The following HYOU1 variants were observed in gnomAD, a reference collection of about 807,000 sequenced individuals.
The protein encoded by HYOU1 is hypoxia up-regulated 1.
HYOU1 carries 40 observed loss-of-function variants against 120.5 expected under a neutral mutation model. That is an observed-to-expected ratio of 0.33 (90% CI 0.26 to 0.43). HYOU1 has a LOEUF of 0.43. Among genes scored for constraint, HYOU1 ranks in the 20% least tolerant of loss-of-function variants. The pLI is 1.00. For missense variants in HYOU1, 1,085 were observed against 1,278.3 expected (o/e 0.85, Z 2.31); for synonymous variants, 501 against 479.4 (o/e 1.05, Z -0.59).
At chr11:119,050,049 C>T (rs1308145456) in intron 14 of HYOU1, among the ~76,000 whole-genome samples, 2 of 152,190 alleles carry the variant, frequency 1.3e-5, no homozygotes, top group Non-Finnish European at 2.9e-5. Context: ...CTCCAAAGAG[C>T]CCCCTACTTC....
rs200405558 is a variant in HYOU1, at chr11:119,048,490, T to C, written c.2239A>G (p.Ile747Val). The C allele has an allele frequency of 5.0e-6, 8 of 1,614,000 alleles. No homozygotes were observed. Among genetic ancestry groups the C allele is most frequent in the South Asian group, 2.2e-5 (2 of 91,076 alleles). Residue 747 changes from isoleucine to valine, a missense_variant, in exon 19 of 26, where the codon ATA becomes GTA. Ile to Val is a conservative substitution (Grantham distance 29). Around this residue, in one of 4 missense-constraint regions of HYOU1, gnomAD observed 516 missense variants for 517.1 expected, o/e 1.00. Coordinates refer to ENST00000617285, the MANE Select transcript of HYOU1 (RefSeq NM_006389.5). The surrounding 1 kb of genome is among the most constrained non-coding windows in gnomAD (Gnocchi z 4.7). ...EKAANSLEAF[I>V]FETQDKLYQP... ...TGCCCACTGACCTGGGTCTCAAATATGAATGCTTCCAAGCTGTTGGCAGCT... is the reference window on the plus strand; with the variant it reads ...TGCCCACTGACCTGGGTCTCAAATACGAATGCTTCCAAGCTGTTGGCAGCT...
Position 119,056,056 on chromosome 11 carries a change from A to G in HYOU1, c.91+14T>C, listed in dbSNP as rs199677806. On this transcript the variant is annotated intron_variant, in intron 2 of 25. Coordinates refer to ENST00000617285, the MANE Select transcript of HYOU1 (RefSeq NM_006389.5). ...CATCATTTATCCATTTGCTCCCTCTACTGGGGTACATACCACTCAGTGCCA... is the reference window on the plus strand; with the variant it reads ...CATCATTTATCCATTTGCTCCCTCTGCTGGGGTACATACCACTCAGTGCCA... 24 of 1,608,202 alleles carry G rather than the reference A, an allele frequency of 1.5e-5. No individual in the cohort carries two copies. The Middle Eastern group carries it at 5.0e-4, about 33-fold the overall frequency.
rs926854048 is a variant in HYOU1 at position 119,045,257 on chromosome 11, C to T, written c.*336G>A. The stretch of plus-strand genomic sequence containing the variant: ...AGCAACCTGATACCCTTCCCATCAC[C>T]GGGACCCATCAGCCACTGGCAGCCA... On this transcript the variant is annotated 3_prime_UTR_variant, in exon 26 of 26. Transcript: ENST00000617285. The T allele has an allele frequency of 1.5e-4, 76 of 503,450 alleles. No homozygotes were observed. The highest frequency in any genetic ancestry group is 1.0e-3 in the South Asian group (67 of 64,102). 31.2% of individuals were successfully genotyped at this position (503,450 alleles called of 1,614,324 possible). A position where few individuals can be genotyped will look rare whatever the true frequency, so the allele number is the denominator to read the frequency against.
Position 119,045,614 on chromosome 11 carries a change from A to G in HYOU1, c.2979T>C (p.Pro993=). ...QKEQSTGQKR[P]LKNDEL ...GGGGTTATAGTTCGTCGTTCTTCAA[A>G]GGCCGCTTCTGTCCTGTCGATTGTT... Residue 993 remains proline, a synonymous_variant, in exon 26 of 26, where the codon CCT becomes CCC. Transcript: ENST00000617285. The G allele has an allele frequency of 6.2e-7, 1 of 1,614,208 alleles. No homozygotes were observed. Among genetic ancestry groups the G allele is most frequent in the Non-Finnish European group, 8.5e-7 (1 of 1,180,036 alleles).
rs1470568617 is a variant in HYOU1 at position 119,048,280 on chromosome 11, G to A, written c.2344C>T (p.Leu782=). The A allele has an allele frequency of 6.2e-7, 1 of 1,611,566 alleles. No individual in the cohort carries two copies. The highest frequency in any genetic ancestry group is 8.5e-7 in the Non-Finnish European group (1 of 1,180,006). The change falls in exon 20 of 26, where the codon CTG becomes TTG. Residue 782 remains leucine, a synonymous_variant. Transcript: ENST00000617285. The surrounding 1 kb of genome is among the most constrained non-coding windows in gnomAD (Gnocchi z 4.7). ...GTGGCTCCAACACCCTCATCCTCCA[G>A]CCAGGTGGATGCGGCGCTGAGCTTC... ...SGKLSAASTW[L]EDEGVGATTV... is the part of the protein sequence containing the mutation.
chr11:119,055,263 G>A lies in HYOU1; in HGVS notation c.341C>T (p.Ala114Val), dbSNP rs2133611656. 2 of 1,614,044 alleles carry A rather than the reference G, an allele frequency of 1.2e-6. No individual in the cohort carries two copies. Among genetic ancestry groups the A allele is most frequent in the African/African-American group, 1.3e-5 (1 of 74,908 alleles). The stretch of plus-strand genomic sequence containing the variant: ...CTCCGGGAAGCGGGCCTGGTAAAGA[G>A]CTACATGGGGGTTATCTGCCTGCTT... ...LGKQADNPHVALYQARFPEHE... is the reference protein window; with the variant it reads ...LGKQADNPHVVLYQARFPEHE... The change falls in exon 5 of 26, where the codon GCT becomes GTT. Residue 114 changes from alanine to valine, a missense_variant. By Grantham distance (64) the Ala-to-Val change is moderately conservative. This residue lies in a region of HYOU1 where 515 missense variants were observed against 677.8 expected (regional missense o/e 0.76). Transcript: ENST00000617285. The surrounding 1 kb of genome is among the most constrained non-coding windows in gnomAD (Gnocchi z 4.0).
At chr11:119,054,295 T>C (rs2133604124) in intron 7 of HYOU1, 59 bp from the exon 8 acceptor site, 2 of 1,392,774 alleles carry the variant, frequency 1.4e-6, no homozygotes, top group African/African-American at 1.4e-5. Context: ...GGGGCCTGCC[T>C]GCCCACCCAC....
Position 119,052,526 on chromosome 11 carries a change from G to C in HYOU1, c.988-97C>G. On this transcript the variant is annotated intron_variant, in intron 9 of 25. Coordinates refer to ENST00000617285, the MANE Select transcript of HYOU1 (RefSeq NM_006389.5). This position sits in a 1 kb window ranked among gnomAD's most constrained non-coding sequence, Gnocchi z 5.0. ...AAAAGAATAGGTCTTTGGGAGGATG[G>C]TAGCGGGAGGAGCATGGGCCATGCC... is the stretch of plus-strand genomic sequence containing the variant. The C allele has an allele frequency of 6.3e-7, 1 of 1,585,262 alleles. No individual in the cohort carries two copies. Among genetic ancestry groups the C allele is most frequent in the South Asian group, 1.1e-5 (1 of 87,064 alleles).
At position 119,051,392 on chromosome 11, in the gene HYOU1, C is replaced by T. The variant is rs200388100; in HGVS notation, c.1526+46G>A. ...CAGTCCTCAGATTATCCAGCAGCCA[C>T]GCCTCCCCCTCCCTGGAGCTCCCAT... On this transcript the variant is annotated intron_variant, in intron 13 of 25. Transcript: ENST00000617285. The surrounding 1 kb of genome is among the most constrained non-coding windows in gnomAD (Gnocchi z 4.2). 655 of 1,592,680 alleles carry T rather than the reference C, an allele frequency of 4.1e-4. 1 individual carries two copies. Among genetic ancestry groups the T allele is most frequent in the Non-Finnish European group, 5.0e-4 (586 of 1,163,556 alleles).
chr11:119,054,462 C>G, intron 7 of HYOU1, 32 bp downstream of exon 7: 1 of 1,608,000 alleles, frequency 6.2e-7, no homozygotes, highest in Non-Finnish European at 8.5e-7. Context: ...TTCAGTCACC[C>G]TGCATGTCTG....
intron 15 of HYOU1, 63 bp from the exon 16 acceptor site, chr11:119,049,698 C>A (rs2133574850): frequency 6.2e-7 from 1 of 1,608,006 alleles, no homozygotes; most frequent in South Asian, 1.1e-5. Flanking sequence ...CCTTCTAACC[C>A]AAGGGCCATG....
In HYOU1 at chr11:119,051,253, A is replaced by G. The variant is rs1592145170; in HGVS notation, c.1527-80T>C. On this transcript the variant is annotated intron_variant, in intron 13 of 25. Transcript: ENST00000617285. The surrounding 1 kb of genome is among the most constrained non-coding windows in gnomAD (Gnocchi z 4.2). The stretch of plus-strand genomic sequence containing the variant: ...TCTAGACTACATGGCCTCCTGGCAC[A>G]AGGTGTCAGGGGCACTCCCCAAGGG... 3 of 1,577,882 alleles carry G rather than the reference A, an allele frequency of 1.9e-6. No homozygotes were observed. Among genetic ancestry groups the G allele is most frequent in the Non-Finnish European group, 2.6e-6 (3 of 1,154,724 alleles).
At chr11:119,049,383 G>A (rs1302305075) in intron 16 of HYOU1, 173 bp downstream of exon 16, 2 of 1,562,520 alleles carry the variant, frequency 1.3e-6, no homozygotes, top group Non-Finnish European at 1.7e-6. Context: ...GCAATGAGGG[G>A]AATGGGCCTT....
In HYOU1 at chr11:119,045,734, C is replaced by T. The variant is rs2133544181; in HGVS notation, c.2938+47G>A. ...ACCCCAGTTCTTTGCAAAGGATTTC[C>T]TGAGACCCCACCAGGCTTCCCACCG... On this transcript the variant is annotated intron_variant, in intron 25 of 25. Transcript: ENST00000617285. 2.5e-6 allele frequency: 4 copies of T among 1,613,604 alleles called. No individual in the cohort carries two copies. The Admixed American group carries it at 5.0e-5, about 20-fold the overall frequency.
Position 119,055,717 on chromosome 11 carries a change from G to C in HYOU1, c.185+33C>G, listed in dbSNP as rs782179843. On this transcript the variant is annotated intron_variant, in intron 3 of 25. Coordinates refer to ENST00000617285, the MANE Select transcript of HYOU1 (RefSeq NM_006389.5). The surrounding 1 kb of genome is among the most constrained non-coding windows in gnomAD (Gnocchi z 4.0). ...TCACACTTGGAGCCCAGACTCCCTC[G>C]TTCCCCACCCTTAACACGGGGGCCA... 2 of 1,585,300 alleles carry C rather than the reference G, an allele frequency of 1.3e-6. No individual in the cohort carries two copies. Among genetic ancestry groups the C allele is most frequent in the East Asian group, 2.2e-5 (1 of 44,742 alleles).
At chr11:119,047,549 T>C in intron 22 of HYOU1, 185 bp downstream of exon 22, 1 of 584,914 alleles carries the variant, frequency 1.7e-6, no homozygotes. Flanking sequence ...TCCAGGCTGA[T>C]GACTCTTATG....
At position 119,045,476 on chromosome 11, in the gene HYOU1, G is replaced by T. The variant is rs781892243; in HGVS notation, c.*117C>A. The T allele has an allele frequency of 2.9e-5, 26 of 887,312 alleles. No individual in the cohort carries two copies. Among genetic ancestry groups the T allele is most frequent in the Admixed American group, 5.1e-5 (3 of 58,386 alleles). 55.0% of individuals were successfully genotyped at this position (887,312 alleles called of 1,614,324 possible). ...TTCTCCACACCTCCAAATCACAGGG[G>T]TGAGAAAGGAACTCCAGCCGAGGGC... On this transcript the variant is annotated 3_prime_UTR_variant, in exon 26 of 26. Transcript: ENST00000617285.
intron 22 of HYOU1, 132 bp from the exon 23 acceptor site, chr11:119,046,934 C>G: frequency 7.4e-6 from 9 of 1,210,060 alleles, no homozygotes; most frequent in Non-Finnish European, 1.0e-5. Context: ...GCCTCAGCCC[C>G]AAGAGGCTAA....
chr11:119,052,855 A>G lies in HYOU1; in HGVS notation c.795-26T>C, dbSNP rs2133596269. The G allele has an allele frequency of 3.8e-6, 6 of 1,598,678 alleles. No individual in the cohort carries two copies. The highest frequency in any genetic ancestry group is 1.7e-5 in the Admixed American group (1 of 57,710). ...CTGTTGAGAAAAGGGAGCAGGGAAA[A>G]AAGTGAAGAACACATGGAGTCCCCG... On this transcript the variant is annotated intron_variant, in intron 8 of 25. Coordinates refer to ENST00000617285, the MANE Select transcript of HYOU1 (RefSeq NM_006389.5). This position sits in a 1 kb window ranked among gnomAD's most constrained non-coding sequence, Gnocchi z 5.0.
Sources: allele counts gnomAD v4.1 joint callset (sites outside exome capture counted in the v4.1 genomes callset), GRCh38; gene constraint gnomAD v4.1.1; regional missense constraint gnomAD v4.1.1; non-coding constraint Gnocchi (gnomAD v3.1); transcripts MANE v1.5; gene names NCBI Gene and HGNC (gene_info 2026-07-23, HGNC 2026-07-21).